Variants in AMMECR1L observed in about 807,000 individuals in gnomAD.
AMMECR1L encodes the protein AMMECR1 like.
Under a neutral mutation model 36.8 loss-of-function variants are expected in AMMECR1L, and 4 were observed. The ratio of observed to expected loss-of-function variants is 0.11; its 90% CI spans 0.05 to 0.25. The LOEUF is 0.25. Among genes scored for constraint, AMMECR1L ranks in the 10% least tolerant of loss-of-function variants. AMMECR1L has a pLI of 1.00. For missense variants in AMMECR1L, 232 were observed against 392.1 expected (o/e 0.59, Z 3.45); for synonymous variants, 147 against 148.0 (o/e 0.99, Z 0.05).
rs1037809507 is a variant in AMMECR1L, at chr2:127,863,751, A to C, written c.*1343T>G. ...TCATTTTAGCAGTGCCTTTGTAACA[A>C]TATTTTCAAAGCATCTTCCAAGTCC... On this transcript the variant is annotated 3_prime_UTR_variant, in exon 8 of 8. Coordinates refer to ENST00000272647, the MANE Select transcript of AMMECR1L (RefSeq NM_001199140.2). 6.5e-6 allele frequency: 1 copy of C among 152,682 alleles called. No individual in the cohort carries two copies. 9.5% of individuals were successfully genotyped at this position (152,682 alleles called of 1,614,324 possible).
chr2:127,867,926 G>A (rs1029623366), intron 6 of AMMECR1L, among the ~76,000 whole-genome samples: 4 of 152,152 alleles, frequency 2.6e-5, no homozygotes, highest in Admixed American at 2.0e-4. Flanking sequence ...AGGCTGAAGC[G>A]CAGTGGCGCA....
intron 2 of AMMECR1L, among the ~76,000 whole-genome samples, chr2:127,879,166 C>T (rs775558545): frequency 1.3e-5 from 2 of 152,170 alleles, no homozygotes; most frequent in Non-Finnish European, 2.9e-5. Context: ...ATACAGTTTG[C>T]GTGTTTGTCG....
In AMMECR1L at chr2:127,864,495, G is replaced by C. The variant is rs1189899305; in HGVS notation, c.*599C>G. Reference sequence around the variant, plus strand: ...CTGCAACGCCACCCAAAGGGCTTCCGATCTTGATGTGGGTCTCTGTCCAGG... The same window carrying C: ...CTGCAACGCCACCCAAAGGGCTTCCCATCTTGATGTGGGTCTCTGTCCAGG... On this transcript the variant is annotated 3_prime_UTR_variant, in exon 8 of 8. Transcript: ENST00000272647. 2 of 152,284 alleles carry C rather than the reference G, an allele frequency of 1.3e-5. No homozygotes were observed. 9.4% of individuals were successfully genotyped at this position (152,284 alleles called of 1,614,324 possible). A position where few individuals can be genotyped will look rare whatever the true frequency, so the allele number is the denominator to read the frequency against.
At chr2:127,879,812 C>G (rs976358101) in intron 2 of AMMECR1L, among the ~76,000 whole-genome samples, 1 of 152,202 alleles carries the variant, frequency 6.6e-6, no homozygotes. Flanking sequence ...TTTGTGAGTA[C>G]TAGGTAAGGT....
Position 127,869,645 on chromosome 2 carries a change from A to G in AMMECR1L, c.634-101T>C. On this transcript the variant is annotated intron_variant, in intron 5 of 7. Coordinates refer to ENST00000272647, the MANE Select transcript of AMMECR1L (RefSeq NM_001199140.2). The surrounding 1 kb of genome is among the most constrained non-coding windows in gnomAD (Gnocchi z 4.7). ...CATTGTTCCCTGACCAGCTTAACAC[A>G]GGCCTGGAAAAGGGAGACCTTCTCG... 1 of 993,076 alleles carries G rather than the reference A, an allele frequency of 1.0e-6. No individual in the cohort carries two copies. The highest frequency in any genetic ancestry group is 1.4e-5 in the South Asian group (1 of 72,798). 61.5% of individuals were successfully genotyped at this position (993,076 alleles called of 1,614,324 possible). A position where few individuals can be genotyped will look rare whatever the true frequency, so the allele number is the denominator to read the frequency against.
chr2:127,882,260 A>AG (rs67116243), intron 2 of AMMECR1L, among the ~76,000 whole-genome samples: 13,493 of 152,188 alleles, frequency 0.089, 1,604 homozygotes, highest in African/African-American at 0.26. Flanking sequence ...GCCAAGAAAA[A>AG]GGGGGTCTCT....
Position 127,873,700 on chromosome 2 carries a change from A to AT in AMMECR1L, c.407+127dup. On this transcript the variant is annotated intron_variant, in intron 3 of 7. Transcript: ENST00000272647. The surrounding 1 kb of genome is among the most constrained non-coding windows in gnomAD (Gnocchi z 5.2). ...AAATATTCTCTGGACATTTCTTATC[A>AT]TTCTCTTCCCATTACCCTTTCCTCA... The AT allele has an allele frequency of 6.4e-7, 1 of 1,563,442 alleles. No homozygotes were observed. Among genetic ancestry groups the AT allele is most frequent in the Non-Finnish European group, 8.6e-7 (1 of 1,166,222 alleles).
chr2:127,883,024 T>G (rs1395642248), intron 2 of AMMECR1L, among the ~76,000 whole-genome samples: 1 of 151,436 alleles, frequency 6.6e-6, no homozygotes, highest in African/African-American at 2.4e-5. Context: ...GGGCTACAGA[T>G]GCACGCCACC....
chr2:127,868,899 A>G (rs1351772042), intron 6 of AMMECR1L, among the ~76,000 whole-genome samples: 4 of 151,814 alleles, frequency 2.6e-5, no homozygotes. Context: ...TAATTTTTAT[A>G]TTTTTAGTAG....
intron 7 of AMMECR1L, among the ~76,000 whole-genome samples, 198 bp downstream of exon 7, chr2:127,866,702 G>A (rs6745419): frequency 3.9e-5 from 6 of 152,144 alleles, no homozygotes; most frequent in African/African-American, 1.4e-4. Context: ...TGTGCCCCCA[G>A]CTCAGCTATG....
intron 2 of AMMECR1L, among the ~76,000 whole-genome samples, chr2:127,879,807 G>C (rs757261469): frequency 7.2e-5 from 11 of 152,182 alleles, no homozygotes; most frequent in Admixed American, 6.5e-5. Flanking sequence ...CCGGCTTTGT[G>C]AGTACTAGGT....
At chr2:127,885,342 G>A (rs1573573414) in intron 1 of AMMECR1L, 2 of 983,718 alleles carry the variant, frequency 2.0e-6, no homozygotes, top group Non-Finnish European at 2.4e-6. Flanking sequence ...GAGTTGGGGA[G>A]ACGATGGAGC....
In AMMECR1L at chr2:127,874,315, T is replaced by TAA; in HGVS notation, c.-38-45_-38-44dup. 1 of 1,531,698 alleles carries TAA rather than the reference T, an allele frequency of 6.5e-7. No individual in the cohort carries two copies. The highest frequency in any genetic ancestry group is 1.2e-5 in the South Asian group (1 of 82,356). 94.9% of individuals were successfully genotyped at this position (1,531,698 alleles called of 1,614,324 possible). ...TTAAGCATTAATTTGACTGGTTAGT[T>TAA]AAAAGGAGAGGAAAAAACATCAAAG... On this transcript the variant is annotated intron_variant, in intron 2 of 7. Transcript: ENST00000272647. This position sits in a 1 kb window ranked among gnomAD's most constrained non-coding sequence, Gnocchi z 5.2.
At position 127,866,911 on chromosome 2, in the gene AMMECR1L, G is replaced by C. The variant is rs1428858140; in HGVS notation, c.810C>G (p.Ile270Met). The C allele has an allele frequency of 6.2e-7, 1 of 1,614,090 alleles. No individual in the cohort carries two copies. The change falls in exon 7 of 8, where the codon ATC becomes ATG. Residue 270 changes from isoleucine to methionine, a missense_variant. Physicochemically the swap from Ile to Met is conservative, Grantham distance 10. This residue lies in a region of AMMECR1L where 83 missense variants were observed against 229.5 expected (regional missense o/e 0.36). Transcript: ENST00000272647. ...APITSEFRKT[I>M]KLTRYRSEKV... ...AGACAATGGCTTACCTGGTGAGTTT[G>C]ATCGTTTTTCTGAATTCACTGGTAA... is the stretch of plus-strand genomic sequence containing the variant.
At chr2:127,880,304 G>T (rs773685760) in intron 2 of AMMECR1L, among the ~76,000 whole-genome samples, 4 of 152,082 alleles carry the variant, frequency 2.6e-5, no homozygotes, top group Non-Finnish European at 4.4e-5. Flanking sequence ...CATCCATTAG[G>T]ACCACCAATA....
chr2:127,877,036 C>T (rs76446133), intron 2 of AMMECR1L, among the ~76,000 whole-genome samples: 58 of 142,236 alleles, frequency 4.1e-4, no homozygotes, highest in East Asian at 8.2e-4. Context: ...TATATATATA[C>T]ATATATATAT....
At chr2:127,876,394 C>T (rs1019646279) in intron 2 of AMMECR1L, among the ~76,000 whole-genome samples, 4 of 149,714 alleles carry the variant, frequency 2.7e-5, no homozygotes, top group African/African-American at 4.9e-5. Flanking sequence ...GTGCGGTGTG[C>T]GGTGGGGATC....
In AMMECR1L at chr2:127,871,829, A is replaced by AT; in HGVS notation, c.408-471dup. Among the ~76,000 whole-genome samples, 1 of 152,072 alleles carries AT rather than the reference A, an allele frequency of 6.6e-6. No individual in the cohort carries two copies. The highest frequency in any genetic ancestry group is 1.9e-4 in the East Asian group (1 of 5,192). Reference sequence around the variant, plus strand: ...TCATGTCTGCCCCTGACAACTACAAATATTTCCACTCACAAATTTTCAGAA... The same window carrying AT: ...TCATGTCTGCCCCTGACAACTACAAATTATTTCCACTCACAAATTTTCAGAA... On this transcript the variant is annotated intron_variant, in intron 3 of 7. Coordinates refer to ENST00000272647, the MANE Select transcript of AMMECR1L (RefSeq NM_001199140.2). The surrounding 1 kb of genome is among the most constrained non-coding windows in gnomAD (Gnocchi z 4.3).
intron 3 of AMMECR1L, among the ~76,000 whole-genome samples, chr2:127,872,370 T>C: frequency 6.6e-6 from 1 of 151,894 alleles, no homozygotes; most frequent in Non-Finnish European, 1.5e-5. Context: ...ATTAGCTGAG[T>C]TGCCATTTTC....
Sources: allele counts gnomAD v4.1 joint callset (sites outside exome capture counted in the v4.1 genomes callset), GRCh38; gene constraint gnomAD v4.1.1; regional missense constraint gnomAD v4.1.1; non-coding constraint Gnocchi (gnomAD v3.1); transcripts MANE v1.5; gene names NCBI Gene and HGNC (gene_info 2026-07-23, HGNC 2026-07-21).